CORO2B: variants seen among roughly 807,000 people sequenced by gnomAD.
The protein encoded by CORO2B is coronin-2B.
Under a neutral mutation model 58.8 loss-of-function variants are expected in CORO2B, and 26 were observed. The observed-to-expected ratio is 0.44, with a 90% CI of 0.32 to 0.61. CORO2B has a LOEUF of 0.61. Ranked by LOEUF, CORO2B falls within the 20% of genes least tolerant of loss-of-function variation. CORO2B has a pLI of 0.04. For missense variants in CORO2B, 460 were observed against 645.1 expected (o/e 0.71, Z 3.11); for synonymous variants, 242 against 253.8 (o/e 0.95, Z 0.44).
intron 1 of CORO2B, among the ~76,000 whole-genome samples, chr15:68,587,609 G>C (rs1399159879): frequency 6.6e-6 from 1 of 152,172 alleles, no homozygotes; most frequent in Admixed American, 6.5e-5. Context: ...CTGCTTTCAA[G>C]GGACCAACAG....
chr15:68,564,580 G>A, the CORO2B span, among the ~76,000 whole-genome samples: 45 of 152,230 alleles, frequency 3.0e-4, no homozygotes, highest in Non-Finnish European at 5.0e-4. Flanking sequence ...CTACAGTGCC[G>A]GGATTACAGG....
At chr15:68,722,386 G>T (rs1276805320) in intron 11 of CORO2B, among the ~76,000 whole-genome samples, 1 of 152,200 alleles carries the variant, frequency 6.6e-6, no homozygotes, top group African/African-American at 2.4e-5. Context: ...CATCGTAGCA[G>T]TTCGGAAGCA....
chr15:68,661,798 G>C (rs1902022514), intron 2 of CORO2B, among the ~76,000 whole-genome samples: 1 of 152,144 alleles, frequency 6.6e-6, no homozygotes, highest in Non-Finnish European at 1.5e-5. Flanking sequence ...CTTGAAGTCA[G>C]GAGTTCAAGA....
At chr15:68,675,228 G>T (rs1281162356) in intron 2 of CORO2B, among the ~76,000 whole-genome samples, 1 of 152,202 alleles carries the variant, frequency 6.6e-6, no homozygotes, top group Non-Finnish European at 1.5e-5. Flanking sequence ...GCTTCAGCAT[G>T]CTCTGGAATT....
intron 1 of CORO2B, among the ~76,000 whole-genome samples, chr15:68,609,027 AG>A (rs1157136045): frequency 2.6e-5 from 4 of 152,322 alleles, no homozygotes; most frequent in African/African-American, 9.6e-5. Flanking sequence ...ACTTGGAATT[AG>A]AAGCCACATG....
chr15:68,595,996 C>T (rs1899820277), intron 1 of CORO2B, among the ~76,000 whole-genome samples: 1 of 151,818 alleles, frequency 6.6e-6, no homozygotes, highest in East Asian at 2.0e-4. Context: ...CACGAGGGTG[C>T]CCAGTGAGGT....
chr15:68,650,377 A>ATGGAG (rs1901603192), intron 2 of CORO2B, among the ~76,000 whole-genome samples: 1 of 19,656 alleles, frequency 5.1e-5, no homozygotes, highest in African/African-American at 2.4e-4. Flanking sequence ...AAAAAAAAAA[A>ATGGAG]AAAAAAAAAA....
At chr15:68,580,420 A>T (rs1899400458) in intron 1 of CORO2B, among the ~76,000 whole-genome samples, 1 of 151,116 alleles carries the variant, frequency 6.6e-6, no homozygotes, top group African/African-American at 2.4e-5. Context: ...TTGGGGTGCA[A>T]GTGATGGAGG....
At chr15:68,610,465 C>T (rs1355165592) in intron 1 of CORO2B, among the ~76,000 whole-genome samples, 2 of 152,040 alleles carry the variant, frequency 1.3e-5, no homozygotes, top group Non-Finnish European at 2.9e-5. Flanking sequence ...ATCTCCAGAC[C>T]CCCTTGTTCC....
chr15:68,690,608 G>A (rs1269706540), intron 2 of CORO2B, among the ~76,000 whole-genome samples: 3 of 147,516 alleles, frequency 2.0e-5, no homozygotes, highest in African/African-American at 7.5e-5. Flanking sequence ...TGTAAATATT[G>A]TACATAAAGC....
At chr15:68,588,126 G>A (rs771870495) in intron 1 of CORO2B, among the ~76,000 whole-genome samples, 2 of 152,202 alleles carry the variant, frequency 1.3e-5, no homozygotes, top group Non-Finnish European at 2.9e-5. Flanking sequence ...TTATTGTGAT[G>A]TCTAATCTGT....
At chr15:68,640,018 A>G (rs1156918011) in intron 1 of CORO2B, among the ~76,000 whole-genome samples, 2 of 152,142 alleles carry the variant, frequency 1.3e-5, no homozygotes, top group African/African-American at 4.8e-5. Flanking sequence ...CCCCGGTTAC[A>G]GCCTCGGCAA....
At chr15:68,553,262 G>T in the CORO2B span, among the ~76,000 whole-genome samples, 4 of 152,210 alleles carry the variant, frequency 2.6e-5, no homozygotes, top group African/African-American at 9.6e-5. Flanking sequence ...ACTTGCACAT[G>T]TTACCTGATG....
rs1899597208 is a variant in CORO2B, at chr15:68,587,453, G to A, written c.15+8176G>A. On this transcript the variant is annotated intron_variant, in intron 1 of 11. Transcript: ENST00000261861. ...TCAGTATTTAACTCCGGAGATGTCT[G>A]AGGTCATCTGGGCCAGCACTCTGCC... 2.0e-5 allele frequency among the ~76,000 whole-genome samples: 3 copies of A among 152,192 alleles called. No individual in the cohort carries two copies. In the South Asian group the frequency reaches 6.2e-4, roughly 32 times the overall value.
chr15:68,535,882 A>G, the CORO2B span, among the ~76,000 whole-genome samples: 1 of 152,230 alleles, frequency 6.6e-6, no homozygotes, highest in African/African-American at 2.4e-5. Flanking sequence ...GTGTTTCTAG[A>G]TACAATGGTT....
intron 2 of CORO2B, among the ~76,000 whole-genome samples, chr15:68,646,707 C>G (rs1901442251): frequency 6.6e-6 from 1 of 152,176 alleles, no homozygotes; most frequent in Admixed American, 6.5e-5. Context: ...ATCAGAAATC[C>G]TCCTCTGCCT....
At chr15:68,568,758 G>A in the CORO2B span, among the ~76,000 whole-genome samples, 4 of 152,108 alleles carry the variant, frequency 2.6e-5, no homozygotes, top group Non-Finnish European at 5.9e-5. Flanking sequence ...AGAAAATACA[G>A]CAAGTTGGGA....
chr15:68,585,328 C>A (rs1043310347), intron 1 of CORO2B, among the ~76,000 whole-genome samples: 1 of 152,158 alleles, frequency 6.6e-6, no homozygotes, highest in Non-Finnish European at 1.5e-5. Context: ...CTTTTCAATC[C>A]GATCACATAA....
At chr15:68,719,664 T>C (rs1223565526) in intron 11 of CORO2B, 112 bp downstream of exon 11, 1 of 1,231,338 alleles carries the variant, frequency 8.1e-7, no homozygotes, top group African/African-American at 1.5e-5. Context: ...TTTTTCTTTC[T>C]GTGACAAATG....
Sources: gnomAD v4.1 joint callset for allele counts (sites outside exome capture counted in the v4.1 genomes callset) on GRCh38, gnomAD v4.1.1 for gene constraint, MANE v1.5 for transcripts, NCBI Gene and HGNC (gene_info 2026-07-23, HGNC 2026-07-21) for gene names.